Variants in PTK2B observed in about 807,000 individuals in gnomAD.
PTK2B encodes protein tyrosine kinase 2 beta.
PTK2B carries 71 observed loss-of-function variants against 142.9 expected under a neutral mutation model. That is an observed-to-expected ratio of 0.50 (90% confidence interval 0.41 to 0.61). The LOEUF is 0.61. Ranked by LOEUF, PTK2B falls within the 20% of genes least tolerant of loss-of-function variation. The pLI is 0.00. For missense variants in PTK2B, 1,105 were observed against 1,320.4 expected (o/e 0.84, Z 2.53); for synonymous variants, 519 against 503.4 (o/e 1.03, Z -0.42).
intron 1 of PTK2B, among the ~76,000 whole-genome samples, chr8:27,372,769 G>C (rs1244740234): frequency 6.6e-6 from 1 of 152,188 alleles, no homozygotes; most frequent in Non-Finnish European, 1.5e-5. Context: ...GGAGGGAAGG[G>C]TAACCCTAGC....
intron 1 of PTK2B, among the ~76,000 whole-genome samples, chr8:27,366,870 G>T (rs1008803899): frequency 6.6e-5 from 10 of 152,066 alleles, no homozygotes; most frequent in Non-Finnish European, 1.5e-4. Context: ...GAGAGGGTGT[G>T]GGGGAGGGAG....
rs1803959751 is a variant in PTK2B at position 27,334,772 on chromosome 8, A to G, written c.-38+9091A>G. ...GTGGGTGTCGCAACAGCCAGTTGCA[A>G]CTAGAATAGGGGCCACATCCCGAGT... On this transcript the variant is annotated intron_variant, in intron 1 of 30. Coordinates refer to ENST00000346049, the MANE Select transcript of PTK2B (RefSeq NM_173176.3). Among the ~76,000 whole-genome samples, 2 of 152,156 alleles carry G rather than the reference A, an allele frequency of 1.3e-5. 1 individual carries two copies. The highest frequency in any genetic ancestry group is 4.8e-5 in the African/African-American group (2 of 41,426).
rs139647188 is a variant in PTK2B at position 27,391,189 on chromosome 8, C to T, written c.-37-6359C>T. Among the ~76,000 whole-genome samples, 939 of 152,068 alleles carry T rather than the reference C, an allele frequency of 6.2e-3. 11 individuals carry two copies. Among genetic ancestry groups the T allele is most frequent in the African/African-American group, 0.022 (905 of 41,440 alleles). On this transcript the variant is annotated intron_variant, in intron 1 of 30. Transcript: ENST00000346049. ...TCGGCTCACTGCAAGCTCCGTCTCCCGGGTTCAAGGGATTCTTTTGTCTCA... is the reference window on the plus strand; with the variant it reads ...TCGGCTCACTGCAAGCTCCGTCTCCTGGGTTCAAGGGATTCTTTTGTCTCA...
At chr8:27,451,254 C>G (rs909981799) in intron 26 of PTK2B, among the ~76,000 whole-genome samples, 176 bp downstream of exon 26, 2 of 152,128 alleles carry the variant, frequency 1.3e-5, no homozygotes, top group African/African-American at 4.8e-5. Flanking sequence ...TGGCCCTTTT[C>G]CTGAACTCTC....
intron 1 of PTK2B, among the ~76,000 whole-genome samples, chr8:27,373,971 G>T (rs1357794975): frequency 6.6e-6 from 1 of 151,750 alleles, no homozygotes; most frequent in Non-Finnish European, 1.5e-5. Context: ...CAAGGAGGAG[G>T]GATCGAACCA....
chr8:27,446,253 G>A (rs1001516083), intron 24 of PTK2B, among the ~76,000 whole-genome samples: 1 of 152,202 alleles, frequency 6.6e-6, no homozygotes, highest in African/African-American at 2.4e-5. Context: ...TCCTAGGCAG[G>A]GCACAGCACA....
chr8:27,424,955 C>A (rs1563275032), intron 5 of PTK2B, among the ~76,000 whole-genome samples: 1 of 152,076 alleles, frequency 6.6e-6, no homozygotes, highest in Non-Finnish European at 1.5e-5. Context: ...ATGAATCCTC[C>A]ATGGAGTCAT....
intron 1 of PTK2B, among the ~76,000 whole-genome samples, chr8:27,332,108 A>G (rs1803788815): frequency 6.6e-6 from 1 of 152,206 alleles, no homozygotes; most frequent in South Asian, 2.1e-4. Context: ...GCTCACTGCA[A>G]GTTTGAATCC....
intron 1 of PTK2B, among the ~76,000 whole-genome samples, chr8:27,312,147 T>G (rs1802990960): frequency 6.6e-6 from 1 of 152,216 alleles, no homozygotes; most frequent in Non-Finnish European, 1.5e-5. Flanking sequence ...TCATTCCTGC[T>G]TCAGTTTGAT....
chr8:27,414,253 C>CT (rs71553858), intron 2 of PTK2B, among the ~76,000 whole-genome samples: 8 of 149,220 alleles, frequency 5.4e-5, no homozygotes, highest in South Asian at 2.1e-4. Flanking sequence ...ACTGCTTCTT[C>CT]TTTTTTTTTT....
chr8:27,386,753 G>A (rs1050233175), intron 1 of PTK2B, among the ~76,000 whole-genome samples: 14 of 152,182 alleles, frequency 9.2e-5, no homozygotes, highest in Non-Finnish European at 1.9e-4. Flanking sequence ...TGGCAGACTA[G>A]GGGGTTGGCA....
At chr8:27,317,155 T>G (rs1285366898) in intron 3 of PTK2B, among the ~76,000 whole-genome samples, 1 of 152,230 alleles carries the variant, frequency 6.6e-6, no homozygotes, top group Non-Finnish European at 1.5e-5. Flanking sequence ...ATGTCTCATT[T>G]TCAGAGCTAA....
intron 2 of PTK2B, among the ~76,000 whole-genome samples, chr8:27,415,071 G>A (rs1176276140): frequency 1.3e-5 from 2 of 152,292 alleles, no homozygotes; most frequent in East Asian, 1.9e-4. Flanking sequence ...GTTGTTTGGG[G>A]GGCTGTTTTT....
chr8:27,435,867 C>A, intron 14 of PTK2B, 74 bp downstream of exon 14: 1 of 1,500,988 alleles, frequency 6.7e-7, no homozygotes, highest in Non-Finnish European at 9.3e-7. Flanking sequence ...TCTGGTGACA[C>A]CACAGGGAAC....
At chr8:27,386,988 A>G (rs904532294) in intron 1 of PTK2B, among the ~76,000 whole-genome samples, 1 of 152,148 alleles carries the variant, frequency 6.6e-6, no homozygotes, top group African/African-American at 2.4e-5. Context: ...TAACATGTCA[A>G]AAGTCTGCAT....
chr8:27,323,990 C>T (rs904275481), upstream of PTK2B, among the ~76,000 whole-genome samples: 1 of 152,192 alleles, frequency 6.6e-6, no homozygotes, highest in Non-Finnish European at 1.5e-5. Context: ...CCCACTGCCA[C>T]CTCCTAGTAC....
chr8:27,383,427 G>T (rs192903321), intron 1 of PTK2B, among the ~76,000 whole-genome samples: 2 of 152,076 alleles, frequency 1.3e-5, no homozygotes, highest in African/African-American at 2.4e-5. Flanking sequence ...TGTATTTTTA[G>T]TAGAGACGGG....
Position 27,313,929 on chromosome 8 carries a change from C to T in PTK2B, c.-414+642C>T, listed in dbSNP as rs1306256458. Among the ~76,000 whole-genome samples, 4 of 152,212 alleles carry T rather than the reference C, an allele frequency of 2.6e-5. No homozygotes were observed. The East Asian group carries it at 7.7e-4, about 29-fold the overall frequency. On this transcript the variant is annotated intron_variant, in intron 3 of 35. Transcript: ENST00000397501. ...GTCTCTCTCCCTCTCTCTGGCCCAT[C>T]TGCCAAATTATCCATTTTAGAAAGG...
chr8:27,396,912 A>G (rs1469771724), intron 1 of PTK2B, among the ~76,000 whole-genome samples: 1 of 152,038 alleles, frequency 6.6e-6, no homozygotes, highest in Non-Finnish European at 1.5e-5. Flanking sequence ...TTCCTCTTGA[A>G]TCCTCCTGCA....
Sources: allele counts gnomAD v4.1 joint callset (sites outside exome capture counted in the v4.1 genomes callset), GRCh38; gene constraint gnomAD v4.1.1; transcripts MANE v1.5; gene names NCBI Gene and HGNC (gene_info 2026-07-23, HGNC 2026-07-21).